The following SPAG16 variants were observed in gnomAD, a reference collection of about 807,000 sequenced individuals.
SPAG16 encodes the protein sperm-associated antigen 16 protein.
A neutral mutation model predicts 80.4 loss-of-function variants in SPAG16; 86 were observed. The observed-to-expected ratio is 1.07, with a 90% CI of 0.90 to 1.28. The LOEUF is 1.28. SPAG16 is among the 50% of genes most tolerant of loss of function. SPAG16 has a pLI of 0.00. For missense variants in SPAG16, 870 were observed against 765.3 expected (o/e 1.14, Z -1.61); for synonymous variants, 294 against 265.9 (o/e 1.11, Z -1.03).
intron 10 of SPAG16, among the ~76,000 whole-genome samples, chr2:213,780,571 CTTTTT>C (rs367744311): frequency 1.4e-4 from 18 of 124,616 alleles, no homozygotes; most frequent in Non-Finnish European, 1.8e-4. Context: ...TCTTTTCTTT[CTTTTT>C]TTTTTTTTTT....
intron 14 of SPAG16, among the ~76,000 whole-genome samples, chr2:214,148,824 T>C (rs1051707836): frequency 7.2e-5 from 11 of 151,978 alleles, no homozygotes; most frequent in African/African-American, 2.7e-4. Context: ...TGTTACATCT[T>C]CTAATGTAGT....
At chr2:213,993,872 A>G (rs1488766927) in intron 12 of SPAG16, among the ~76,000 whole-genome samples, 2 of 152,254 alleles carry the variant, frequency 1.3e-5, no homozygotes, top group Admixed American at 6.5e-5. Context: ...CATAAAACAA[A>G]CTGGCATTTT....
chr2:214,216,182 G>T (rs545227511), intron 15 of SPAG16, among the ~76,000 whole-genome samples: 1 of 152,200 alleles, frequency 6.6e-6, no homozygotes, highest in African/African-American at 2.4e-5. Context: ...ATGAGCATTG[G>T]TTTTTTATGT....
intron 15 of SPAG16, among the ~76,000 whole-genome samples, chr2:214,172,145 G>T (rs992823094): frequency 6.6e-6 from 1 of 151,468 alleles, no homozygotes; most frequent in Non-Finnish European, 1.5e-5. Context: ...TGCACAATGT[G>T]CAGGTTAGTT....
chr2:214,345,752 C>CGTT (rs1204611583), intron 15 of SPAG16, among the ~76,000 whole-genome samples: 1 of 152,028 alleles, frequency 6.6e-6, no homozygotes, highest in Non-Finnish European at 1.5e-5. Context: ...TAACACCATA[C>CGTT]GTTATTATTA....
chr2:213,720,687 G>C (rs189103498), intron 10 of SPAG16, among the ~76,000 whole-genome samples: 1 of 150,392 alleles, frequency 6.6e-6, no homozygotes, highest in African/African-American at 2.4e-5. Flanking sequence ...AGTGATGTTA[G>C]AAGGGTTTGG....
chr2:214,172,977 A>T (rs1255719793), intron 15 of SPAG16, among the ~76,000 whole-genome samples: 1 of 151,692 alleles, frequency 6.6e-6, no homozygotes. Flanking sequence ...GTTTGAGTTC[A>T]TTGTAGATTC....
chr2:213,936,131 A>G (rs1368682101), intron 12 of SPAG16, among the ~76,000 whole-genome samples: 1 of 152,096 alleles, frequency 6.6e-6, no homozygotes, highest in East Asian at 1.9e-4. Context: ...CAAGCCAAGC[A>G]GATACTTGGG....
chr2:214,376,155 T>C (rs919850226), intron 15 of SPAG16, among the ~76,000 whole-genome samples: 29 of 152,122 alleles, frequency 1.9e-4, no homozygotes, highest in Non-Finnish European at 5.9e-5. Context: ...GACAAATTGT[T>C]GAGAAACAAA....
At chr2:213,956,276 T>C (rs1575645550) in intron 12 of SPAG16, among the ~76,000 whole-genome samples, 1 of 151,746 alleles carries the variant, frequency 6.6e-6, no homozygotes, top group Non-Finnish European at 1.5e-5. Context: ...TTTTAAATTG[T>C]TTTTCTATTC....
chr2:213,449,805 A>G (rs1294379911), intron 9 of SPAG16, among the ~76,000 whole-genome samples: 1 of 149,310 alleles, frequency 6.7e-6, no homozygotes, highest in Non-Finnish European at 1.5e-5. Flanking sequence ...GTTGAAAAAT[A>G]AAAATAAAAT....
chr2:214,115,282 A>G (rs1407907084), intron 14 of SPAG16, among the ~76,000 whole-genome samples: 1 of 152,238 alleles, frequency 6.6e-6, no homozygotes, highest in Non-Finnish European at 1.5e-5. Context: ...ATTGAGACAC[A>G]GTTCATATTC....
rs1334620307 is a variant in SPAG16 at position 213,539,100 on chromosome 2, G to A, written c.1070+49010G>A. On this transcript the variant is annotated intron_variant, in intron 10 of 15. Transcript: ENST00000331683. ...TTAAGATTTGCCTTCTTGTGCTTTCGGGAAGGGTTTGAACAATGAGTGATA... is the reference window on the plus strand; with the variant it reads ...TTAAGATTTGCCTTCTTGTGCTTTCAGGAAGGGTTTGAACAATGAGTGATA... Among the ~76,000 whole-genome samples, 6 of 152,182 alleles carry A rather than the reference G, an allele frequency of 3.9e-5. No individual in the cohort carries two copies. The East Asian group carries it at 1.2e-3, about 29-fold the overall frequency.
At chr2:214,391,197 C>G (rs1701061530) in intron 15 of SPAG16, among the ~76,000 whole-genome samples, 1 of 152,098 alleles carries the variant, frequency 6.6e-6, no homozygotes, top group Non-Finnish European at 1.5e-5. Flanking sequence ...GGCAACTTCC[C>G]TAAGCTTTGT....
At chr2:213,558,255 T>TA (rs2059491415) in intron 10 of SPAG16, among the ~76,000 whole-genome samples, 1 of 152,080 alleles carries the variant, frequency 6.6e-6, no homozygotes, top group Non-Finnish European at 1.5e-5. Flanking sequence ...CTAAAAATTT[T>TA]AAAAATGAAA....
chr2:213,490,717 TG>T lies in SPAG16; in HGVS notation c.1070+628del, dbSNP rs146461237. ...TACATTTCATTAAGTGGCCAGCTTTTGTTGATAATCATGGATACATCATTTT... is the reference window on the plus strand; with the variant it reads ...TACATTTCATTAAGTGGCCAGCTTTTTTGATAATCATGGATACATCATTTT... On this transcript the variant is annotated intron_variant, in intron 10 of 15. Transcript: ENST00000331683. 8.7e-3 allele frequency among the ~76,000 whole-genome samples: 1,319 copies of T among 152,286 alleles called. 21 individuals carry two copies. The highest frequency in any genetic ancestry group is 0.03 in the African/African-American group (1,231 of 41,578).
At chr2:213,299,389 G>A (rs1400827952) in intron 3 of SPAG16, among the ~76,000 whole-genome samples, 1 of 149,636 alleles carries the variant, frequency 6.7e-6, no homozygotes, top group Middle Eastern at 3.2e-3. Flanking sequence ...TGCAAGCTCT[G>A]CTTCCCAAGT....
chr2:213,984,373 A>G (rs778909517), intron 12 of SPAG16, among the ~76,000 whole-genome samples: 1 of 152,110 alleles, frequency 6.6e-6, no homozygotes, highest in Non-Finnish European at 1.5e-5. Flanking sequence ...AATATATACA[A>G]TATACAAAAT....
intron 15 of SPAG16, among the ~76,000 whole-genome samples, chr2:214,333,265 C>T (rs1021985876): frequency 6.6e-6 from 1 of 152,156 alleles, no homozygotes; most frequent in Non-Finnish European, 1.5e-5. Context: ...TGCTTGATTT[C>T]CTTGGATTAC....
Sources: allele counts gnomAD v4.1 joint callset (sites outside exome capture counted in the v4.1 genomes callset), GRCh38; gene constraint gnomAD v4.1.1; transcripts MANE v1.5; gene names NCBI Gene and HGNC (gene_info 2026-07-23, HGNC 2026-07-21).